Variants in PXDN observed in about 807,000 individuals in gnomAD.
The protein encoded by PXDN is peroxidasin, also known as peroxidasin homolog.
Under a neutral mutation model 140.3 loss-of-function variants are expected in PXDN, and 77 were observed. The observed-to-expected ratio is 0.55, with a 90% CI of 0.46 to 0.66. PXDN has a LOEUF of 0.66. PXDN is among the 30% of genes least tolerant of loss of function. The pLI, the probability that PXDN is intolerant of heterozygous loss-of-function variation, is 0.00. For missense variants in PXDN, 1,838 were observed against 2,039.5 expected (o/e 0.90, Z 1.90); for synonymous variants, 911 against 857.4 (o/e 1.06, Z -1.09).
chr2:1,666,137 G>C (rs1272813372), intron 10 of PXDN, 77 bp downstream of exon 10: 2 of 1,552,088 alleles, frequency 1.3e-6, no homozygotes, highest in Middle Eastern at 1.7e-4. Flanking sequence ...GAGCGTCTGT[G>C]GGTATGGCAG....
At position 1,705,599 on chromosome 2, in the gene PXDN, G is replaced by A. The variant is rs531107297; in HGVS notation, c.201-12465C>T. Among the ~76,000 whole-genome samples, 6 of 149,586 alleles carry A rather than the reference G, an allele frequency of 4.0e-5. No individual in the cohort carries two copies. The East Asian group carries it at 1.2e-3, about 30-fold the overall frequency. ...CCCATGACCTGGAACGCAGGGTGCA[G>A]GGTGCGGCTCCCCACGACCTGGGAC... On this transcript the variant is annotated intron_variant, in intron 1 of 22. Coordinates refer to ENST00000252804, the MANE Select transcript of PXDN (RefSeq NM_012293.3).
chr2:1,694,796 G>T (rs562800312), intron 1 of PXDN, among the ~76,000 whole-genome samples: 1 of 152,332 alleles, frequency 6.6e-6, no homozygotes, highest in East Asian at 1.9e-4. Flanking sequence ...CAGCCATCCA[G>T]GATGCCCACT....
Position 1,687,804 on chromosome 2 carries a change from T to A in PXDN, c.345-101A>T. ...TGACACATGGAGACAGTTTTACAAT[T>A]AATGACTGTATTAGAATGCAAACAA... On this transcript the variant is annotated intron_variant, in intron 3 of 22. Transcript: ENST00000252804. The surrounding 1 kb of genome is among the most constrained non-coding windows in gnomAD (Gnocchi z 4.0). The A allele has an allele frequency of 1.2e-6, 1 of 866,326 alleles. No homozygotes were observed. The allele number at this position is 866,326 out of a possible 1,614,324, so 53.7% of individuals were successfully genotyped here. A position where few individuals can be genotyped will look rare whatever the true frequency, so the allele number is the denominator to read the frequency against.
intron 3 of PXDN, among the ~76,000 whole-genome samples, chr2:1,690,648 C>CAAAAAAAAAAAAAAAAA (rs35970382): frequency 2.9e-5 from 2 of 68,638 alleles, no homozygotes; most frequent in African/African-American, 5.6e-5. Flanking sequence ...TTCAAAATAC[C>CAAAAAAAAAAAAAAAAA]AAAAAAAAAA....
chr2:1,728,555 T>C (rs529726719), intron 1 of PXDN, among the ~76,000 whole-genome samples: 54 of 152,348 alleles, frequency 3.5e-4, no homozygotes, highest in Admixed American at 6.5e-4. Context: ...ACAACGGCCC[T>C]CTTGTTTCCA....
chr2:1,688,761 T>C (rs1392541481), intron 3 of PXDN, among the ~76,000 whole-genome samples: 1 of 152,192 alleles, frequency 6.6e-6, no homozygotes, highest in Non-Finnish European at 1.5e-5. Flanking sequence ...ACACGTCTCT[T>C]CAAAATTGAT....
At chr2:1,643,613 G>T (rs1247489309) in intron 18 of PXDN, 37 bp from the exon 19 acceptor site, 1 of 1,605,912 alleles carries the variant, frequency 6.2e-7, no homozygotes, top group South Asian at 1.1e-5. Flanking sequence ...TCAGAGAAGG[G>T]CAGGAGACTC....
rs987021871 is a variant in PXDN at position 1,729,564 on chromosome 2, T to TGG, written c.200+14690_200+14691dup. On this transcript the variant is annotated intron_variant, in intron 1 of 22. Coordinates refer to ENST00000252804, the MANE Select transcript of PXDN (RefSeq NM_012293.3). The stretch of plus-strand genomic sequence containing the variant: ...CTCCCAGAATGTTCCTACAGCAGGG[T>TGG]GGGGGAGGGGGGTGAGGGATAAAAG... Among the ~76,000 whole-genome samples the TGG allele has an allele frequency of 6.6e-4, 87 of 131,352 alleles. 1 individual carries two copies. The highest frequency in any genetic ancestry group is 1.6e-3 in the South Asian group (7 of 4,466). 86.2% of individuals were successfully genotyped at this position (131,352 alleles called of 152,430 possible).
chr2:1,644,604 G>A lies in PXDN; in HGVS notation c.3743+14C>T. On this transcript the variant is annotated intron_variant, in intron 18 of 22. Transcript: ENST00000252804. ...GCTTAGGAGCGTGCTCCCCTTTCTG[G>A]TGCACGTGCTCACCTGTCCCCATCT... 6.3e-7 allele frequency: 1 copy of A among 1,582,168 alleles called. No individual in the cohort carries two copies. The highest frequency in any genetic ancestry group is 8.6e-7 in the Non-Finnish European group (1 of 1,160,170).
upstream of PXDN, chr2:1,744,560 G>T (rs1239689212): frequency 7.1e-6 from 7 of 990,040 alleles, no homozygotes; most frequent in Non-Finnish European, 7.7e-6. Flanking sequence ...GCGGGGGGCG[G>T]GGGGCGCCAG....
At chr2:1,644,865 T>C in intron 17 of PXDN, 113 bp from the exon 18 acceptor site, 4 of 1,166,254 alleles carry the variant, frequency 3.4e-6, no homozygotes, top group Non-Finnish European at 4.5e-6. Context: ...TTATTTAGAA[T>C]TTTACTTAAC....
In PXDN at chr2:1,666,446, C is replaced by A. The variant is rs915109187; in HGVS notation, c.1059G>T (p.Val353=). ...CCAGCGTGACGCTCTCCCCAACCAGCACCTCTGTATTCTGTGGCTGGATTA... is the reference window on the plus strand; with the variant it reads ...CCAGCGTGACGCTCTCCCCAACCAGAACCTCTGTATTCTGTGGCTGGATTA... The part of the protein sequence containing the change: ...TFVIQPQNTE[V]LVGESVTLEC... Residue 353 remains valine, a synonymous_variant, in exon 10 of 23, where the codon GTG becomes GTT. Coordinates refer to ENST00000252804, the MANE Select transcript of PXDN (RefSeq NM_012293.3). 1.9e-6 allele frequency: 3 copies of A among 1,612,302 alleles called. No individual in the cohort carries two copies. The highest frequency in any genetic ancestry group is 3.3e-5 in the Admixed American group (2 of 59,882).
intron 1 of PXDN, among the ~76,000 whole-genome samples, chr2:1,701,251 G>A (rs1354314161): frequency 1.3e-5 from 2 of 152,248 alleles, no homozygotes; most frequent in East Asian, 1.9e-4. Flanking sequence ...GTCACAGATG[G>A]CAGTGCTTTA....
In PXDN at chr2:1,633,311, T is replaced by C. The variant is rs995212172; in HGVS notation, c.*893A>G. 1 of 151,902 alleles carries C rather than the reference T, an allele frequency of 6.6e-6. No homozygotes were observed. Among genetic ancestry groups the C allele is most frequent in the Non-Finnish European group, 1.5e-5 (1 of 68,002 alleles). The allele number at this position is 151,902 out of a possible 1,614,324, so 9.4% of individuals were successfully genotyped here. On this transcript the variant is annotated 3_prime_UTR_variant, in exon 23 of 23. Coordinates refer to ENST00000252804, the MANE Select transcript of PXDN (RefSeq NM_012293.3). ...CAACCAGGGCCGGCTGGGAGCGGCG[T>C]TGTCAACACACACCCTTGGCCCTCG...
rs1022231274 is a variant in PXDN at position 1,673,587 on chromosome 2, A to T, written c.1018+56T>A. 1.9e-6 allele frequency: 3 copies of T among 1,555,728 alleles called. No homozygotes were observed. In the Admixed American group the frequency reaches 5.3e-5, roughly 28 times the overall value. ...GGGGTGCAAGGAAAGGAGAAGGCAG[A>T]TAGTGAGGGACGACAATTCTGGATG... On this transcript the variant is annotated intron_variant, in intron 9 of 22. Coordinates refer to ENST00000252804, the MANE Select transcript of PXDN (RefSeq NM_012293.3).
At chr2:1,686,137 C>T (rs1331724617) in intron 4 of PXDN, among the ~76,000 whole-genome samples, 1 of 152,228 alleles carries the variant, frequency 6.6e-6, no homozygotes, top group Admixed American at 6.5e-5. Context: ...GCCACCCTCC[C>T]TGGACATACA....
chr2:1,666,153 G>A, intron 10 of PXDN, 61 bp downstream of exon 10: 1 of 1,588,236 alleles, frequency 6.3e-7, no homozygotes, highest in East Asian at 2.3e-5. Flanking sequence ...GGCAGCGCGA[G>A]CTAGTGGAGG....
intron 1 of PXDN, among the ~76,000 whole-genome samples, chr2:1,735,240 T>C (rs1685403495): frequency 1.3e-5 from 2 of 152,190 alleles, no homozygotes; most frequent in African/African-American, 4.8e-5. Context: ...TCTTCTAAAC[T>C]CCTGTACATG....
At chr2:1,682,512 T>A (rs1299288727) in intron 6 of PXDN, among the ~76,000 whole-genome samples, 1 of 152,262 alleles carries the variant, frequency 6.6e-6, no homozygotes, top group African/African-American at 2.4e-5. Flanking sequence ...CAGTAATATC[T>A]AACCGAAACT....
Sources: allele counts gnomAD v4.1 joint callset (sites outside exome capture counted in the v4.1 genomes callset), GRCh38; gene constraint gnomAD v4.1.1; non-coding constraint Gnocchi (gnomAD v3.1); transcripts MANE v1.5; gene names NCBI Gene and HGNC (gene_info 2026-07-23, HGNC 2026-07-21).